Variants in MAN1A2 observed in about 807,000 individuals in gnomAD.
The protein encoded by MAN1A2 is mannosidase alpha class 1A member 2.
Under a neutral mutation model 75.7 loss-of-function variants are expected in MAN1A2, and 26 were observed. That is an observed-to-expected ratio of 0.34 (90% CI 0.25 to 0.48). MAN1A2 has a LOEUF of 0.48. MAN1A2 is among the 20% of genes least tolerant of loss of function. The probability of loss-of-function intolerance (pLI) is 0.99; values close to 1 mark genes in which losing one functional copy is unlikely to be tolerated. For missense variants in MAN1A2, 562 were observed against 775.5 expected (o/e 0.72, Z 3.27); for synonymous variants, 247 against 264.6 (o/e 0.93, Z 0.65).
intron 4 of MAN1A2, among the ~76,000 whole-genome samples, chr1:117,416,719 A>G (rs562003063): frequency 6.6e-6 from 1 of 152,310 alleles, no homozygotes; most frequent in East Asian, 1.9e-4. Context: ...TGTGGGGACT[A>G]TAAGAACAAT....
intron 12 of MAN1A2, chr1:117,514,711 T>C (rs950318242): frequency 6.9e-6 from 3 of 435,740 alleles, no homozygotes; most frequent in South Asian, 1.8e-5. Context: ...AGTAATATAT[T>C]TTGGAGAGAG....
At chr1:117,380,261 G>C (rs1281224270) in intron 1 of MAN1A2, among the ~76,000 whole-genome samples, 1 of 152,102 alleles carries the variant, frequency 6.6e-6, no homozygotes, top group Non-Finnish European at 1.5e-5. Context: ...CACATTTTCA[G>C]GTGCTTGCAG....
intron 11 of MAN1A2, 41 bp downstream of exon 11, chr1:117,499,595 ACT>A: frequency 6.6e-7 from 1 of 1,523,386 alleles, no homozygotes. Flanking sequence ...AAGAGTGTTA[ACT>A]CATGCCCTCC....
chr1:117,450,969 C>T (rs925617636), intron 6 of MAN1A2, among the ~76,000 whole-genome samples: 1 of 152,200 alleles, frequency 6.6e-6, no homozygotes, highest in African/African-American at 2.4e-5. Context: ...GCTGGGGCAC[C>T]ACCTAGTGGA....
intron 1 of MAN1A2, among the ~76,000 whole-genome samples, chr1:117,390,793 G>T (rs1653691428): frequency 6.7e-6 from 1 of 150,242 alleles, no homozygotes; most frequent in Non-Finnish European, 1.5e-5. Flanking sequence ...CTTCATATTG[G>T]CATTTAGTGC....
intron 3 of MAN1A2, among the ~76,000 whole-genome samples, chr1:117,414,266 T>C (rs1647916903): frequency 6.6e-6 from 1 of 151,464 alleles, no homozygotes; most frequent in Non-Finnish European, 1.5e-5. Flanking sequence ...TTGTCCTTTA[T>C]ATGAATTTGG....
chr1:117,519,741 A>G (rs1250382489), intron 12 of MAN1A2, among the ~76,000 whole-genome samples: 2 of 152,090 alleles, frequency 1.3e-5, no homozygotes, highest in Non-Finnish European at 2.9e-5. Context: ...GCAGAATTCT[A>G]TCAGACATTC....
In MAN1A2 at chr1:117,480,796, C is replaced by T. The variant is rs147223545; in HGVS notation, c.1169-12351C>T. Among the ~76,000 whole-genome samples the T allele has an allele frequency of 6.8e-3, 1,027 of 151,896 alleles. 5 individuals are homozygous for T. The highest frequency in any genetic ancestry group is 0.023 in the African/African-American group (971 of 41,462). ...ATGAAAACTTGTGTACTTTCACTAC[C>T]CCATTGCCTAGCCTTATCATGAACT... On this transcript the variant is annotated intron_variant, in intron 8 of 12. Transcript: ENST00000356554.
chr1:117,395,096 T>C (rs942021558), intron 1 of MAN1A2, among the ~76,000 whole-genome samples: 7 of 152,204 alleles, frequency 4.6e-5, no homozygotes, highest in Non-Finnish European at 8.8e-5. Flanking sequence ...TTCACACGTA[T>C]GAATTCTGCA....
chr1:117,411,913 C>T (rs756807561), intron 3 of MAN1A2, among the ~76,000 whole-genome samples: 1 of 151,744 alleles, frequency 6.6e-6, no homozygotes, highest in Non-Finnish European at 1.5e-5. Flanking sequence ...TTGTTGGTTT[C>T]TTATAAACTT....
chr1:117,526,919 A>G lies in MAN1A2; in HGVS notation c.*3962A>G, dbSNP rs1282363426. ...ATATATATATATATATGAGAGATAT[A>G]TGAGATATATGAGAGATCAAGATCT... On this transcript the variant is annotated 3_prime_UTR_variant, in exon 13 of 13. Transcript: ENST00000356554. 3 of 135,142 alleles carry G rather than the reference A, an allele frequency of 2.2e-5. No individual in the cohort carries two copies. The highest frequency in any genetic ancestry group is 4.1e-4 in the East Asian group (2 of 4,844). 8.4% of individuals were successfully genotyped at this position (135,142 alleles called of 1,614,324 possible). A position where few individuals can be genotyped will look rare whatever the true frequency, so the allele number is the denominator to read the frequency against.
intron 1 of MAN1A2, among the ~76,000 whole-genome samples, chr1:117,374,302 A>C (rs190304286): frequency 1.3e-5 from 2 of 152,326 alleles, no homozygotes; most frequent in Non-Finnish European, 2.9e-5. Flanking sequence ...CTTTAAAAAA[A>C]ATTAACTTCT....
At chr1:117,496,611 C>T (rs1037762118) in intron 9 of MAN1A2, 152 bp from the exon 10 acceptor site, 11 of 594,642 alleles carry the variant, frequency 1.8e-5, no homozygotes, top group Admixed American at 9.4e-5. Context: ...TCACCCACTC[C>T]GACACTTGCT....
intron 1 of MAN1A2, among the ~76,000 whole-genome samples, chr1:117,394,284 G>A (rs1211364113): frequency 3.3e-5 from 5 of 151,932 alleles, no homozygotes; most frequent in Admixed American, 6.6e-5. Flanking sequence ...GGGTTTCACC[G>A]TATTAGCCAG....
At chr1:117,456,505 A>C (rs1649586284) in intron 6 of MAN1A2, among the ~76,000 whole-genome samples, 1 of 151,998 alleles carries the variant, frequency 6.6e-6, no homozygotes, top group Non-Finnish European at 1.5e-5. Flanking sequence ...CTATTTTCTA[A>C]AATGAAATTA....
At chr1:117,474,786 A>C (rs528252414) in intron 8 of MAN1A2, among the ~76,000 whole-genome samples, 1 of 151,686 alleles carries the variant, frequency 6.6e-6, no homozygotes, top group Non-Finnish European at 1.5e-5. Flanking sequence ...TCATGATCAC[A>C]ATCAAAATAG....
intron 5 of MAN1A2, among the ~76,000 whole-genome samples, chr1:117,422,625 A>G (rs1171554440): frequency 6.6e-6 from 1 of 152,046 alleles, no homozygotes; most frequent in Non-Finnish European, 1.5e-5. Flanking sequence ...TAATAGATAC[A>G]TAGTAGTATC....
In MAN1A2 at chr1:117,527,818, G is replaced by C. The variant is rs140751820; in HGVS notation, c.*4861G>C. On this transcript the variant is annotated 3_prime_UTR_variant, in exon 13 of 13. Coordinates refer to ENST00000356554, the MANE Select transcript of MAN1A2 (RefSeq NM_006699.5). Reference sequence around the variant, plus strand: ...AGAGCTCTACAGCAAGAATATGATAGAATGTCTGATCTTTGTGCTGCAGAA... The same window carrying C: ...AGAGCTCTACAGCAAGAATATGATACAATGTCTGATCTTTGTGCTGCAGAA... 1.3e-5 allele frequency: 2 copies of C among 152,122 alleles called. No homozygotes were observed. Among genetic ancestry groups the C allele is most frequent in the East Asian group, 3.9e-4 (2 of 5,174 alleles). 9.4% of individuals were successfully genotyped at this position (152,122 alleles called of 1,614,324 possible). A position where few individuals can be genotyped will look rare whatever the true frequency, so the allele number is the denominator to read the frequency against.
intron 8 of MAN1A2, among the ~76,000 whole-genome samples, chr1:117,470,485 A>G (rs1179820093): frequency 2.0e-5 from 3 of 152,070 alleles, no homozygotes; most frequent in Non-Finnish European, 4.4e-5. Flanking sequence ...TGTTATATAC[A>G]TTTCATCACA....
Sources: gnomAD v4.1 joint callset for allele counts (sites outside exome capture counted in the v4.1 genomes callset) on GRCh38, gnomAD v4.1.1 for gene constraint, MANE v1.5 for transcripts, NCBI Gene and HGNC (gene_info 2026-07-23, HGNC 2026-07-21) for gene names.